DLG5: variants seen among roughly 807,000 people sequenced by gnomAD.
DLG5 encodes the protein disks large homolog 5.
In DLG5, 48 loss-of-function variants were observed where a neutral mutation model predicts 189.8. The ratio of observed to expected loss-of-function variants is 0.25; its 90% CI spans 0.20 to 0.32. The LOEUF (loss-of-function observed/expected upper bound fraction) is 0.32, where lower values mean the gene tolerates loss of function less well. Among genes scored for constraint, DLG5 ranks in the 10% least tolerant of loss-of-function variants. The pLI is 1.00. For synonymous variants in DLG5, 1,016 were observed against 1,054.1 expected (o/e 0.96, Z 0.70); for missense variants, 2,160 against 2,544.7 (o/e 0.85, Z 3.25).
intron 2 of DLG5, among the ~76,000 whole-genome samples, chr10:77,865,257 T>C (rs1356649022): frequency 2.6e-5 from 4 of 152,108 alleles, no homozygotes; most frequent in Admixed American, 2.6e-4. Flanking sequence ...GGCATTCCCA[T>C]CTCTGATAAA....
chr10:77,901,639 C>T (rs1845930388), intron 1 of DLG5, among the ~76,000 whole-genome samples: 1 of 152,222 alleles, frequency 6.6e-6, no homozygotes, highest in Non-Finnish European at 1.5e-5. Context: ...GGCTGGGAAG[C>T]CCACACCCCA....
At chr10:77,890,310 T>C (rs1237265062) in intron 1 of DLG5, among the ~76,000 whole-genome samples, 1 of 152,142 alleles carries the variant, frequency 6.6e-6, no homozygotes, top group Non-Finnish European at 1.5e-5. Context: ...GGTCTACCTG[T>C]CCTACCTCCA....
chr10:77,878,845 C>A (rs765210842), intron 1 of DLG5, among the ~76,000 whole-genome samples: 8 of 152,172 alleles, frequency 5.3e-5, no homozygotes, highest in Non-Finnish European at 1.0e-4. Flanking sequence ...CTCCACTCAT[C>A]CAGTCCTGGC....
chr10:77,807,979 G>A, intron 24 of DLG5, 35 bp from the exon 25 acceptor site: 5 of 1,611,924 alleles, frequency 3.1e-6, no homozygotes, highest in Non-Finnish European at 4.2e-6. Context: ...TCAGAAGGCA[G>A]AAGCCAGGGG....
At chr10:77,911,341 G>A (rs1169023329) in intron 1 of DLG5, among the ~76,000 whole-genome samples, 2 of 152,104 alleles carry the variant, frequency 1.3e-5, no homozygotes, top group African/African-American at 4.8e-5. Context: ...GGCTGGTCTC[G>A]AACTCCTGGG....
intron 27 of DLG5, among the ~76,000 whole-genome samples, chr10:77,804,691 T>G (rs1191076828): frequency 6.6e-6 from 1 of 152,174 alleles, no homozygotes. Flanking sequence ...GTCTGACATC[T>G]CCTATCACTC....
intron 1 of DLG5, among the ~76,000 whole-genome samples, chr10:77,914,329 C>T (rs559621576): frequency 6.6e-6 from 1 of 152,292 alleles, no homozygotes; most frequent in East Asian, 1.9e-4. Flanking sequence ...AGGCTGGGAG[C>T]TTGTTCTCTA....
At chr10:77,807,651 C>G (rs936537550) in intron 25 of DLG5, 145 bp downstream of exon 25, 2 of 941,560 alleles carry the variant, frequency 2.1e-6, no homozygotes, top group African/African-American at 1.7e-5. Context: ...CATAAATAAG[C>G]GTGCAGATTG....
intron 7 of DLG5, 73 bp from the exon 8 acceptor site, chr10:77,835,995 C>A (rs1279885638): frequency 1.3e-6 from 2 of 1,502,552 alleles, no homozygotes; most frequent in Admixed American, 1.9e-5. Flanking sequence ...CCCACCAGTG[C>A]GGGGGCCAAG....
chr10:77,909,454 T>C (rs1054537199), intron 1 of DLG5, among the ~76,000 whole-genome samples: 5 of 151,876 alleles, frequency 3.3e-5, no homozygotes, highest in African/African-American at 4.8e-5. Flanking sequence ...TGTATACCTA[T>C]GTAACAAGCC....
chr10:77,903,158 C>T (rs1319689405), intron 1 of DLG5, among the ~76,000 whole-genome samples: 2 of 151,872 alleles, frequency 1.3e-5, no homozygotes, highest in Non-Finnish European at 2.9e-5. Flanking sequence ...CCGGGCGCAG[C>T]GGCTCACGCC....
Position 77,926,206 on chromosome 10 carries a change from C to G in DLG5, c.304+11G>C, listed in dbSNP as rs868280065. On this transcript the variant is annotated intron_variant, in intron 1 of 31. Coordinates refer to ENST00000372391, the MANE Select transcript of DLG5 (RefSeq NM_004747.4). The surrounding 1 kb of genome is among the most constrained non-coding windows in gnomAD (Gnocchi z 5.2). Reference sequence around the variant, plus strand: ...CGTCCCAGAGGCGGGGGCCAAGGGTCTGCCACTCACCCGCGCCTTCGGCGG... The same window carrying G: ...CGTCCCAGAGGCGGGGGCCAAGGGTGTGCCACTCACCCGCGCCTTCGGCGG... The G allele has an allele frequency of 8.1e-6, 12 of 1,472,476 alleles. No homozygotes were observed. The highest frequency in any genetic ancestry group is 2.3e-4 in the Middle Eastern group (1 of 4,316). 91.2% of individuals were successfully genotyped at this position (1,472,476 alleles called of 1,614,324 possible).
intron 1 of DLG5, among the ~76,000 whole-genome samples, chr10:77,880,208 C>A (rs1230418669): frequency 2.0e-5 from 3 of 152,088 alleles, no homozygotes; most frequent in African/African-American, 7.2e-5. Context: ...AATCCTAGCA[C>A]TTTGGGAGGC....
In DLG5 at chr10:77,812,381, A is replaced by G; in HGVS notation, c.4026-4T>C. On this transcript the variant is annotated splice_polypyrimidine_tract_variant and splice_region_variant and intron_variant, in intron 20 of 31. Transcript: ENST00000372391. ...GCGTGGCTCCTCCACATAAGGCCTA[A>G]GGAAAAGTCAAAAGTTTCGGGGACT... 6.2e-7 allele frequency: 1 copy of G among 1,603,530 alleles called. No homozygotes were observed. Among genetic ancestry groups the G allele is most frequent in the Non-Finnish European group, 8.5e-7 (1 of 1,171,148 alleles).
intron 10 of DLG5, 75 bp from the exon 11 acceptor site, chr10:77,830,419 T>G: frequency 6.3e-7 from 1 of 1,599,030 alleles, no homozygotes; most frequent in Non-Finnish European, 8.5e-7. Flanking sequence ...GCCCCGAAGC[T>G]GCCCACTCCA....
intron 1 of DLG5, chr10:77,912,531 T>C (rs764377203): frequency 4.6e-5 from 7 of 151,914 alleles, no homozygotes; most frequent in Non-Finnish European, 8.8e-5. Flanking sequence ...TACAGGAACA[T>C]GCCAGCATGC....
intron 1 of DLG5, among the ~76,000 whole-genome samples, chr10:77,890,685 G>A (rs185514826): frequency 3.3e-5 from 5 of 152,148 alleles, no homozygotes; most frequent in Non-Finnish European, 7.3e-5. Context: ...GCATAGTGGC[G>A]CATGCCTGTA....
In DLG5 at chr10:77,791,548, C is replaced by T. The variant is rs187543808; in HGVS notation, c.*892G>A. 3 of 152,344 alleles carry T rather than the reference C, an allele frequency of 2.0e-5. No homozygotes were observed. Among genetic ancestry groups the T allele is most frequent in the Admixed American group, 1.3e-4 (2 of 15,304 alleles). The allele number at this position is 152,344 out of a possible 1,614,324, so 9.4% of individuals were successfully genotyped here. Reference sequence around the variant, plus strand: ...TCAAAAAGAACTGATGTACCTGCCACCCTCTAAAAAGTTTAAGAATTACCC... The same window carrying T: ...TCAAAAAGAACTGATGTACCTGCCATCCTCTAAAAAGTTTAAGAATTACCC... On this transcript the variant is annotated 3_prime_UTR_variant, in exon 32 of 32. Transcript: ENST00000372391.
chr10:77,861,533 C>A (rs927167353), intron 2 of DLG5, among the ~76,000 whole-genome samples: 1 of 152,202 alleles, frequency 6.6e-6, no homozygotes, highest in African/African-American at 2.4e-5. Flanking sequence ...TGTCTCCAGA[C>A]GTCTCAGTCT....
Sources: gnomAD v4.1 joint callset for allele counts (sites outside exome capture counted in the v4.1 genomes callset) on GRCh38, gnomAD v4.1.1 for gene constraint, Gnocchi (gnomAD v3.1) non-coding constraint, MANE v1.5 for transcripts, NCBI Gene and HGNC (gene_info 2026-07-23, HGNC 2026-07-21) for gene names.